RNF32: variants seen among roughly 807,000 people sequenced by gnomAD.
RNF32 encodes the protein ring finger protein 32.
RNF32 carries 36 observed loss-of-function variants against 41.0 expected under a neutral mutation model. The observed-to-expected ratio is 0.88, with a 90% CI of 0.67 to 1.16. RNF32 has a LOEUF of 1.16. Ranked by LOEUF, RNF32 falls within the 50% of genes most tolerant of loss-of-function variation. The pLI is 0.00. For synonymous variants in RNF32, 154 were observed against 160.9 expected (o/e 0.96, Z 0.32); for missense variants, 413 against 436.7 (o/e 0.95, Z 0.48).
chr7:156,666,830 T>A (rs1801405604), intron 7 of RNF32, among the ~76,000 whole-genome samples: 2 of 152,186 alleles, frequency 1.3e-5, no homozygotes, highest in Non-Finnish European at 2.9e-5. Flanking sequence ...GAAACTCTGC[T>A]AGCATATGTC....
chr7:156,651,479 G>A (rs1027575986), intron 3 of RNF32, among the ~76,000 whole-genome samples: 4 of 152,066 alleles, frequency 2.6e-5, no homozygotes, highest in Non-Finnish European at 5.9e-5. Context: ...CTCCCAAAGT[G>A]CTGAGATTAC....
chr7:156,659,024 G>A (rs529302543), intron 7 of RNF32: 1 of 1,423,554 alleles, frequency 7.0e-7, no homozygotes, highest in African/African-American at 1.5e-5. Flanking sequence ...TCATCACAAT[G>A]AGCTTTAGAG....
chr7:156,640,506 C>G (rs773202779), upstream of RNF32: 7 of 356,486 alleles, frequency 2.0e-5, no homozygotes, highest in Non-Finnish European at 3.8e-5. Context: ...CCCAAAAACG[C>G]CCGCTGCGCG....
intron 7 of RNF32, among the ~76,000 whole-genome samples, chr7:156,668,677 G>A (rs752241090): frequency 3.3e-5 from 5 of 152,220 alleles, no homozygotes; most frequent in East Asian, 1.9e-4. Context: ...ACAGCAGCAC[G>A]CTTTCCATCG....
chr7:156,662,881 T>C (rs1270263752), intron 7 of RNF32, among the ~76,000 whole-genome samples: 18 of 147,994 alleles, frequency 1.2e-4, no homozygotes, highest in Non-Finnish European at 4.5e-5. Flanking sequence ...ACAGTCTCGC[T>C]CTGTCACCCA....
At chr7:156,640,318 C>A (rs527550524), upstream of RNF32, 1 of 451,048 alleles carries the variant, frequency 2.2e-6, no homozygotes, top group East Asian at 7.0e-5. Context: ...GGGAAACAAC[C>A]GGGGCCCAGG....
At chr7:156,651,156 T>G (rs1006399185) in intron 3 of RNF32, among the ~76,000 whole-genome samples, 2 of 152,114 alleles carry the variant, frequency 1.3e-5, no homozygotes, top group Non-Finnish European at 2.9e-5. Flanking sequence ...TGGGCATTAC[T>G]CTAAGGCAGC....
chr7:156,669,519 G>T lies in RNF32; in HGVS notation c.685-6177G>T, dbSNP rs914230233. On this transcript the variant is annotated intron_variant, in intron 7 of 8. Transcript: ENST00000317955. This position sits in a 1 kb window ranked among gnomAD's most constrained non-coding sequence, Gnocchi z 4.2. ...ACGGCTTAGCATGTGGGAGGGGCAG[G>T]CTGGCAGAGTGTGAGCCGCTGGGCA... is the stretch of plus-strand genomic sequence containing the variant. Among the ~76,000 whole-genome samples, 24 of 152,192 alleles carry T rather than the reference G, an allele frequency of 1.6e-4. 1 individual carries two copies. Among genetic ancestry groups the T allele is most frequent in the Non-Finnish European group, 1.8e-4 (12 of 68,030 alleles).
At chr7:156,654,829 G>T (rs180784923) in intron 4 of RNF32, 111 bp downstream of exon 4, 4 of 987,480 alleles carry the variant, frequency 4.1e-6, no homozygotes, top group Non-Finnish European at 6.1e-6. Flanking sequence ...TCATCCTCCT[G>T]TGTGAGCCTC....
At chr7:156,641,039 C>G (rs1370266428) in intron 1 of RNF32, 2 of 155,062 alleles carry the variant, frequency 1.3e-5, no homozygotes, top group African/African-American at 4.8e-5. Flanking sequence ...CTGAGGGGTA[C>G]GAATTTACGG....
At chr7:156,663,845 T>C (rs1800976725) in intron 7 of RNF32, among the ~76,000 whole-genome samples, 1 of 152,212 alleles carries the variant, frequency 6.6e-6, no homozygotes, top group Non-Finnish European at 1.5e-5. Flanking sequence ...AATTGGGAAA[T>C]TGAGTTCATT....
In RNF32 at chr7:156,644,696, C is replaced by G; in HGVS notation, c.213C>G (p.Pro71=). Residue 71 remains proline (P), a synonymous_variant, in exon 3 of 9, where the codon CCC becomes CCG. Transcript: ENST00000317955. ...DTGLKKTTQC[P]KLEDSEKEYV... ...GACTTAAAAAAACTACACAGTGCCC[C>G]AAACTAGAAGACTCAGAAAAAGAAT... is the stretch of plus-strand genomic sequence containing the variant. The G allele has an allele frequency of 4.3e-6, 7 of 1,613,044 alleles. No individual in the cohort carries two copies. The highest frequency in any genetic ancestry group is 5.9e-6 in the Non-Finnish European group (7 of 1,179,774).
chr7:156,642,084 A>T (rs34855960), intron 1 of RNF32, among the ~76,000 whole-genome samples: 11,444 of 152,272 alleles, frequency 0.075, 569 homozygotes, highest in East Asian at 0.26. Flanking sequence ...GTTAGTCCTT[A>T]GAAATACATT....
Position 156,654,585 on chromosome 7 carries a change from T to G in RNF32, c.284T>G (p.Leu95Trp). 6.2e-7 allele frequency: 1 copy of G among 1,614,070 alleles called. No homozygotes were observed. Among genetic ancestry groups the G allele is most frequent in the Non-Finnish European group, 8.5e-7 (1 of 1,179,918 alleles). ...KPPPLTLAQK[L>W]GLIGPPPPPL... ...TGCTGTCTTACTTTAGCACAGAAGT[T>G]GGGCCTCATTGGGCCTCCACCACCT... The change falls in exon 4 of 9, where the codon TTG (leucine) becomes TGG (tryptophan). Residue 95 changes from leucine to tryptophan, a missense_variant. Transcript: ENST00000317955.
At chr7:156,651,700 G>A (rs1318426910) in intron 3 of RNF32, among the ~76,000 whole-genome samples, 1 of 152,186 alleles carries the variant, frequency 6.6e-6, no homozygotes, top group East Asian at 1.9e-4. Flanking sequence ...GAGCAATGTG[G>A]TGTTCTATAT....
At chr7:156,659,618 TTATA>T (rs977515761) in intron 7 of RNF32, 159 of 919,884 alleles carry the variant, frequency 1.7e-4, no homozygotes, top group Non-Finnish European at 2.0e-4. Context: ...TCATTTTACC[TTATA>T]TATATAAATA....
upstream of RNF32, chr7:156,640,604 G>C (rs986749092): frequency 4.9e-6 from 2 of 405,994 alleles, no homozygotes; most frequent in South Asian, 3.4e-5. Flanking sequence ...GTGTGGACAG[G>C]GCGTGGTTGG....
intron 1 of RNF32, chr7:156,643,150 G>C (rs1250642086): frequency 6.6e-6 from 1 of 152,210 alleles, no homozygotes; most frequent in Admixed American, 6.5e-5. Context: ...AATCCTTGCG[G>C]CAACCCTGCA....
intron 3 of RNF32, among the ~76,000 whole-genome samples, chr7:156,651,173 C>G (rs1247196994): frequency 6.6e-6 from 1 of 151,498 alleles, no homozygotes; most frequent in African/African-American, 2.4e-5. Flanking sequence ...CAGCCATTTT[C>G]AAATCCTTTG....
Sources: gnomAD v4.1 joint callset for allele counts (sites outside exome capture counted in the v4.1 genomes callset) on GRCh38, gnomAD v4.1.1 for gene constraint, Gnocchi (gnomAD v3.1) non-coding constraint, MANE v1.5 for transcripts, NCBI Gene and HGNC (gene_info 2026-07-23, HGNC 2026-07-21) for gene names.